The following CIBAR1 variants were observed in gnomAD, a reference collection of about 807,000 sequenced individuals.
The protein encoded by CIBAR1 is CBY1 interacting BAR domain containing 1.
In CIBAR1, 25 loss-of-function variants were observed where a neutral mutation model predicts 44.0. The ratio of observed to expected loss-of-function variants is 0.57; its 90% confidence interval spans 0.41 to 0.79. The LOEUF (loss-of-function observed/expected upper bound fraction) is 0.79. CIBAR1 is among the 30% of genes least tolerant of loss of function. The pLI, the probability that CIBAR1 is intolerant of heterozygous loss-of-function variation, is 0.00. For missense variants in CIBAR1, 278 were observed against 344.8 expected, an observed-to-expected ratio of 0.81 and a Z score of 1.53; for synonymous variants, 115 against 119.0, an observed-to-expected ratio of 0.97 and a Z score of 0.22.
At chr8:93,701,597 C>T (rs1810361133) in intron 2 of CIBAR1, 139 bp downstream of exon 2, 2 of 699,054 alleles carry the variant, frequency 2.9e-6, no homozygotes, top group East Asian at 2.7e-5. Flanking sequence ...TTTCATAAGA[C>T]TGTGTGAGTC....
intron 4 of CIBAR1, chr8:93,705,290 T>G: frequency 5.0e-6 from 2 of 400,270 alleles, no homozygotes; most frequent in East Asian, 7.5e-5. Flanking sequence ...CTGAATTTTA[T>G]TTTCACATGG....
chr8:93,727,248 A>G (rs1811558901), intron 8 of CIBAR1: 1 of 1,182,392 alleles, frequency 8.5e-7, no homozygotes, highest in Non-Finnish European at 1.1e-6. Flanking sequence ...CTTTTAGGTA[A>G]ATTTGATACC....
At chr8:93,720,991 C>T (rs974685408) in intron 7 of CIBAR1, 2 of 152,156 alleles carry the variant, frequency 1.3e-5, no homozygotes, top group African/African-American at 4.8e-5. Context: ...TCATTTTAAT[C>T]CTCTCAATAA....
At chr8:93,728,060 G>T in intron 8 of CIBAR1, 145 bp from the exon 9 acceptor site, 2 of 465,446 alleles carry the variant, frequency 4.3e-6, no homozygotes, top group South Asian at 6.0e-5. Context: ...AAATTCATAG[G>T]GAATTTTCAC....
chr8:93,700,872 G>A (rs1443022006), intron 1 of CIBAR1, 199 bp downstream of exon 1: 4 of 1,306,218 alleles, frequency 3.1e-6, no homozygotes, highest in Non-Finnish European at 3.9e-6. Flanking sequence ...GGGCCCGGCC[G>A]GCTGCCACCC....
At chr8:93,719,728 T>C (rs879630096) in intron 7 of CIBAR1, 5 of 152,166 alleles carry the variant, frequency 3.3e-5, no homozygotes, top group Admixed American at 3.3e-4. Context: ...AGCAAGTAAA[T>C]ATCAAAGACT....
At chr8:93,701,702 CT>C in intron 2 of CIBAR1, 1 of 495,268 alleles carries the variant, frequency 2.0e-6, no homozygotes, top group Non-Finnish European at 3.6e-6. Flanking sequence ...TATTTGCCAA[CT>C]TTTGGCCAAG....
intron 6 of CIBAR1, among the ~76,000 whole-genome samples, chr8:93,714,012 C>T (rs1327060040): frequency 2.6e-5 from 4 of 152,098 alleles, no homozygotes; most frequent in South Asian, 2.1e-4. Context: ...GAAGTCAGTT[C>T]GGGTTCTTAC....
rs1163047236 is a variant in CIBAR1, at chr8:93,729,424, A to C, written c.*1127A>C. 1 of 152,166 alleles carries C rather than the reference A, an allele frequency of 6.6e-6. No homozygotes were observed. Among genetic ancestry groups the C allele is most frequent in the Non-Finnish European group, 1.5e-5 (1 of 67,998 alleles). The allele number at this position is 152,166 out of a possible 1,614,324, so 9.4% of individuals were successfully genotyped here. ...TTGGATATTTACTGCTTCCTCACTC[A>C]GTATTTAAATTTGGTTGTACTTCGG... is the stretch of plus-strand genomic sequence containing the variant. On this transcript the variant is annotated 3_prime_UTR_variant, in exon 9 of 9. Coordinates refer to ENST00000518322, the MANE Select transcript of CIBAR1 (RefSeq NM_145269.5).
chr8:93,708,106 C>T, intron 5 of CIBAR1, 90 bp downstream of exon 5: 1 of 1,032,554 alleles, frequency 9.7e-7, no homozygotes, highest in South Asian at 2.0e-5. Context: ...AAAAAGAAAG[C>T]AAAAGCTAAA....
intron 3 of CIBAR1, among the ~76,000 whole-genome samples, chr8:93,704,691 A>G (rs1420342084): frequency 3.9e-5 from 6 of 152,234 alleles, no homozygotes; most frequent in Non-Finnish European, 7.3e-5. Context: ...ATAGTTTTGC[A>G]CTGAAATTGT....
At chr8:93,705,286 T>G (rs1810536178) in intron 4 of CIBAR1, 1 of 403,342 alleles carries the variant, frequency 2.5e-6, no homozygotes, top group Admixed American at 4.3e-5. Context: ...ATTTCTGAAT[T>G]TTATTTTCAC....
intron 5 of CIBAR1, 33 bp downstream of exon 5, chr8:93,708,049 T>A (rs573676855): frequency 2.6e-6 from 4 of 1,528,368 alleles, no homozygotes; most frequent in Non-Finnish European, 3.5e-6. Context: ...AAGAAATGGA[T>A]CCTTATAGTA....
chr8:93,728,255 T>C lies in CIBAR1; in HGVS notation c.828T>C (p.Asp276=), dbSNP rs758196622. 6.3e-7 allele frequency: 1 copy of C among 1,599,398 alleles called. No homozygotes were observed. The highest frequency in any genetic ancestry group is 8.5e-7 in the Non-Finnish European group (1 of 1,175,930). ...ATCAACAAGCAGAAGATGATGAGGA[T>C]GACGAGTTAGATGTTACAGAAGAAG... ...RKDQQAEDDE[D]DELDVTEEEN... Residue 276 remains aspartate, a synonymous_variant, in exon 9 of 9, where the codon GAT becomes GAC. Coordinates refer to ENST00000518322, the MANE Select transcript of CIBAR1 (RefSeq NM_145269.5).
chr8:93,718,573 C>T (rs1811121277), intron 6 of CIBAR1, 102 bp from the exon 7 acceptor site: 2 of 587,984 alleles, frequency 3.4e-6, no homozygotes, highest in Admixed American at 3.5e-5. Flanking sequence ...ACAGATACTT[C>T]TGTATTTTAT....
Position 93,730,775 on chromosome 8 carries a change from T to C in CIBAR1, c.*2478T>C, listed in dbSNP as rs1189600390. ...CTCCCAACTAGAAGATACCACTTTCTGTAATCAACTTTTTATAATGAAGTT... is the reference window on the plus strand; with the variant it reads ...CTCCCAACTAGAAGATACCACTTTCCGTAATCAACTTTTTATAATGAAGTT... On this transcript the variant is annotated 3_prime_UTR_variant, in exon 9 of 9. Coordinates refer to ENST00000518322, the MANE Select transcript of CIBAR1 (RefSeq NM_145269.5). 3 of 152,218 alleles carry C rather than the reference T, an allele frequency of 2.0e-5. No homozygotes were observed. Among genetic ancestry groups the C allele is most frequent in the Non-Finnish European group, 4.4e-5 (3 of 68,034 alleles). 9.4% of individuals were successfully genotyped at this position (152,218 alleles called of 1,614,324 possible).
At chr8:93,704,106 T>C (rs1810481024) in intron 3 of CIBAR1, among the ~76,000 whole-genome samples, 1 of 151,926 alleles carries the variant, frequency 6.6e-6, no homozygotes, top group African/African-American at 2.4e-5. Flanking sequence ...TATATAGTCA[T>C]TCTTTTTACT....
intron 5 of CIBAR1, 88 bp from the exon 6 acceptor site, chr8:93,709,682 AC>A: frequency 1.0e-6 from 1 of 981,026 alleles, no homozygotes; most frequent in Non-Finnish European, 1.6e-6. Context: ...AAAAGCCAGT[AC>A]TGCAATGGTA....
chr8:93,710,497 T>C (rs112136315), intron 6 of CIBAR1, among the ~76,000 whole-genome samples: 2,652 of 152,106 alleles, frequency 0.017, 39 homozygotes, highest in Non-Finnish European at 0.027. Context: ...TTACATAAAT[T>C]CTTGCAGTCT....
Sources: gnomAD v4.1 joint callset for allele counts (sites outside exome capture counted in the v4.1 genomes callset) on GRCh38, gnomAD v4.1.1 for gene constraint, MANE v1.5 for transcripts, NCBI Gene and HGNC (gene_info 2026-07-23, HGNC 2026-07-21) for gene names.